The following NTM variants were observed in gnomAD, a reference collection of about 807,000 sequenced individuals.
The protein encoded by NTM is IgLON family member 2.
Under a neutral mutation model 42.1 loss-of-function variants are expected in NTM, and 13 were observed. That is an observed-to-expected ratio of 0.31 (90% CI 0.20 to 0.49). NTM has a LOEUF of 0.49. Among genes scored for constraint, NTM ranks in the 20% least tolerant of loss-of-function variants. The pLI, the probability that NTM is intolerant of heterozygous loss-of-function variation, is 0.99. For missense variants in NTM, 373 were observed against 452.8 expected, an observed-to-expected ratio of 0.82 and a Z score of 1.60; for synonymous variants, 187 against 179.2, an observed-to-expected ratio of 1.04 and a Z score of -0.35.
At chr11:131,566,466 C>T (rs1056435227) in intron 1 of NTM, among the ~76,000 whole-genome samples, 4 of 151,730 alleles carry the variant, frequency 2.6e-5, no homozygotes, top group Non-Finnish European at 5.9e-5. Context: ...TGTGTGTGCA[C>T]GTGTGCTAGA....
At chr11:131,616,535 G>C (rs1350248193) in intron 1 of NTM, among the ~76,000 whole-genome samples, 1 of 152,192 alleles carries the variant, frequency 6.6e-6, no homozygotes, top group Admixed American at 6.5e-5. Flanking sequence ...ACGTCTGCAA[G>C]GAACTGGTAA....
chr11:131,745,880 C>G (rs2081757054), intron 1 of NTM, among the ~76,000 whole-genome samples: 1 of 152,108 alleles, frequency 6.6e-6, no homozygotes, highest in Non-Finnish European at 1.5e-5. Context: ...TAAAATAAAT[C>G]CTTTTCAGTC....
At chr11:132,163,677 G>C (rs1406505924) in intron 3 of NTM, among the ~76,000 whole-genome samples, 2 of 152,198 alleles carry the variant, frequency 1.3e-5, no homozygotes, top group Non-Finnish European at 1.5e-5. Context: ...CAAAGGATCA[G>C]GTTAACCTGA....
At chr11:132,246,359 T>C (rs1393440585) in intron 4 of NTM, among the ~76,000 whole-genome samples, 1 of 152,174 alleles carries the variant, frequency 6.6e-6, no homozygotes, top group Non-Finnish European at 1.5e-5. Flanking sequence ...TTTTTACAGT[T>C]AAAGCTCCCA....
At chr11:132,013,242 C>T (rs1025264406) in intron 2 of NTM, among the ~76,000 whole-genome samples, 1 of 152,050 alleles carries the variant, frequency 6.6e-6, no homozygotes, top group African/African-American at 2.4e-5. Flanking sequence ...CCAAAGAAGT[C>T]AGAGAACCAC....
chr11:132,259,541 G>A lies in NTM; in HGVS notation c.526+47394G>A, dbSNP rs1418361975. Among the ~76,000 whole-genome samples the A allele has an allele frequency of 8.6e-5, 13 of 151,750 alleles. 1 individual carries two copies. In the South Asian group the frequency reaches 1.7e-3, roughly 19 times the overall value. On this transcript the variant is annotated intron_variant, in intron 4 of 8. Coordinates refer to ENST00000683400, the MANE Select transcript of NTM (RefSeq NM_001352005.2). ...CTAAAAATACAAAAATTAGCCTGGC[G>A]TGGTGGTGCACACCTGTAATCCCAG...
At chr11:131,870,472 A>T (rs2047667748) in intron 1 of NTM, among the ~76,000 whole-genome samples, 1 of 152,114 alleles carries the variant, frequency 6.6e-6, no homozygotes, top group Non-Finnish European at 1.5e-5. Flanking sequence ...GTCCCGCCTG[A>T]TGGGTGCCCC....
chr11:131,551,021 G>C (rs959878894), intron 1 of NTM, among the ~76,000 whole-genome samples: 1 of 152,120 alleles, frequency 6.6e-6, no homozygotes. Context: ...TTAAATTTAA[G>C]TTGTATTTTA....
At chr11:131,979,144 G>A (rs1179360414) in intron 2 of NTM, among the ~76,000 whole-genome samples, 1 of 152,152 alleles carries the variant, frequency 6.6e-6, no homozygotes, top group Non-Finnish European at 1.5e-5. Flanking sequence ...CCACATGTCT[G>A]TGGGCAGGGA....
chr11:132,291,022 C>T (rs1205155107), intron 4 of NTM, among the ~76,000 whole-genome samples: 1 of 152,144 alleles, frequency 6.6e-6, no homozygotes, highest in Non-Finnish European at 1.5e-5. Context: ...GGCATTAGAT[C>T]ACAATGGGCC....
Position 132,335,291 on chromosome 11 carries a change from A to T in NTM, c.*145A>T. On this transcript the variant is annotated 3_prime_UTR_variant, in exon 9 of 9. Transcript: ENST00000683400. ...GCCTCATGGGACAGAAATTTGAGGG[A>T]GGGGAACAAAGAATACTTTGGGGGG... 2 of 846,170 alleles carry T rather than the reference A, an allele frequency of 2.4e-6. No individual in the cohort carries two copies. Among genetic ancestry groups the T allele is most frequent in the Non-Finnish European group, 3.5e-6 (2 of 565,662 alleles). The allele number at this position is 846,170 out of a possible 1,614,324, so 52.4% of individuals were successfully genotyped here.
chr11:131,880,078 C>G (rs553126696), intron 1 of NTM, among the ~76,000 whole-genome samples: 1 of 152,178 alleles, frequency 6.6e-6, no homozygotes, highest in African/African-American at 2.4e-5. Flanking sequence ...TATTCCGCCT[C>G]CCTACCCTCT....
intron 3 of NTM, among the ~76,000 whole-genome samples, chr11:132,170,451 C>T (rs1357428993): frequency 6.6e-6 from 1 of 152,196 alleles, no homozygotes; most frequent in East Asian, 1.9e-4. Flanking sequence ...TCCACATATA[C>T]ACCTCTCTCC....
rs114622395 is a variant in NTM at position 131,475,438 on chromosome 11, G to C, written c.82+104550G>C. On this transcript the variant is annotated intron_variant, in intron 1 of 8. Coordinates refer to ENST00000683400, the MANE Select transcript of NTM (RefSeq NM_001352005.2). Reference sequence around the variant, plus strand: ...AGAAGGGGGCCATGACAGGTACAGAGGGTGTACCTGTCCCTCTCGGCAAAA... The same window carrying C: ...AGAAGGGGGCCATGACAGGTACAGACGGTGTACCTGTCCCTCTCGGCAAAA... 8.2e-3 allele frequency among the ~76,000 whole-genome samples: 1,244 copies of C among 152,160 alleles called. 11 individuals are homozygous for C. The highest frequency in any genetic ancestry group is 0.028 in the African/African-American group (1,152 of 41,498).
At chr11:131,826,255 A>G (rs4937657) in intron 1 of NTM, among the ~76,000 whole-genome samples, 108,192 of 151,930 alleles carry the variant, frequency 0.71, 39,228 homozygotes, top group East Asian at 0.86. Flanking sequence ...GTTGCCCACT[A>G]GATTCCATGA....
At chr11:131,408,801 A>G (rs573537809) in intron 1 of NTM, among the ~76,000 whole-genome samples, 1 of 152,346 alleles carries the variant, frequency 6.6e-6, no homozygotes, top group African/African-American at 2.4e-5. Flanking sequence ...CACTCAGATC[A>G]TCTGCAAAAC....
intron 3 of NTM, among the ~76,000 whole-genome samples, chr11:132,207,980 T>G (rs1289339934): frequency 6.6e-6 from 1 of 152,212 alleles, no homozygotes; most frequent in Non-Finnish European, 1.5e-5. Flanking sequence ...GGATGGTATC[T>G]TATTTAGTTT....
chr11:132,110,046 C>T (rs566698362), intron 2 of NTM, among the ~76,000 whole-genome samples: 2 of 152,328 alleles, frequency 1.3e-5, no homozygotes, highest in South Asian at 2.1e-4. Context: ...CAACCTTTCA[C>T]TTGGGCTCAA....
chr11:131,914,590 G>A (rs886272837), intron 2 of NTM, among the ~76,000 whole-genome samples: 6 of 152,158 alleles, frequency 3.9e-5, no homozygotes, highest in Non-Finnish European at 8.8e-5. Context: ...ATTCTAATTT[G>A]AGGAAACTTT....
Sources: allele counts gnomAD v4.1 joint callset (sites outside exome capture counted in the v4.1 genomes callset), GRCh38; gene constraint gnomAD v4.1.1; transcripts MANE v1.5; gene names NCBI Gene and HGNC (gene_info 2026-07-23, HGNC 2026-07-21).